The following TMEM132E variants were observed in gnomAD, a reference collection of about 807,000 sequenced individuals.
The protein encoded by TMEM132E is transmembrane protein 132E.
TMEM132E carries 49 observed loss-of-function variants against 78.5 expected under a neutral mutation model. The observed-to-expected ratio is 0.62, with a 90% CI of 0.50 to 0.79. The LOEUF (loss-of-function observed/expected upper bound fraction) is 0.79, where lower values mean the gene tolerates loss of function less well. Ranked by LOEUF, TMEM132E falls within the 30% of genes least tolerant of loss-of-function variation. TMEM132E has a pLI of 0.00. For missense variants in TMEM132E, 1,403 were observed against 1,470.9 expected (o/e 0.95, Z 0.75); for synonymous variants, 715 against 670.6 (o/e 1.07, Z -1.02).
chr17:34,616,349 G>A (rs1291536427), intron 1 of TMEM132E, among the ~76,000 whole-genome samples: 2 of 152,128 alleles, frequency 1.3e-5, no homozygotes. Context: ...GCTTCTCCAG[G>A]ATTTACAACC....
Position 34,637,482 on chromosome 17 carries a change from G to C in TMEM132E, c.2475G>C (p.Pro825=). The C allele has an allele frequency of 6.2e-7, 1 of 1,610,784 alleles. No homozygotes were observed. The highest frequency in any genetic ancestry group is 8.5e-7 in the Non-Finnish European group (1 of 1,178,996). The change falls in exon 9 of 9, where the codon CCG becomes CCC. Residue 825 remains proline, a synonymous_variant. Transcript: ENST00000631683. Reference sequence around the variant, plus strand: ...AGGAGGACCCCACTTATGACTACCCGGGCCCCAGCCAACCAGGGCCCGGCG... The same window carrying C: ...AGGAGGACCCCACTTATGACTACCCCGGCCCCAGCCAACCAGGGCCCGGCG... ...RDEEDPTYDY[P]GPSQPGPGGG...
At chr17:34,621,395 G>T (rs1906956096) in intron 1 of TMEM132E, among the ~76,000 whole-genome samples, 2 of 152,046 alleles carry the variant, frequency 1.3e-5, no homozygotes, top group Non-Finnish European at 2.9e-5. Flanking sequence ...CTTCTTATAA[G>T]TACACCAGTC....
At chr17:34,630,179 G>T in intron 5 of TMEM132E, 28 bp downstream of exon 5, 1 of 1,601,460 alleles carries the variant, frequency 6.2e-7, no homozygotes, top group Non-Finnish European at 8.5e-7. Flanking sequence ...GGGGCCCCTG[G>T]GGAAGAAGCC....
chr17:34,627,467 C>CGTGTGTGCGTGCGCGCGCGCGCGT (rs1555564416), intron 2 of TMEM132E, among the ~76,000 whole-genome samples: 66 of 126,540 alleles, frequency 5.2e-4, no homozygotes, highest in African/African-American at 1.9e-3. Context: ...CCAAAAGAAT[C>CGTGTGTGCGTGCGCGCGCGCGCGT]GTGTGTGTGT....
chr17:34,629,891 TG>T, intron 4 of TMEM132E, 116 bp from the exon 5 acceptor site: 1 of 1,213,224 alleles, frequency 8.2e-7, no homozygotes, highest in Non-Finnish European at 1.1e-6. Flanking sequence ...GTGTCCCCAC[TG>T]GAAGGATGTG....
intron 1 of TMEM132E, among the ~76,000 whole-genome samples, chr17:34,593,168 A>T (rs11656543): frequency 0.5 from 76,514 of 151,734 alleles, 19,778 homozygotes; most frequent in Admixed American, 0.57. Context: ...GCACTTTGGG[A>T]AGCTGAGGCC....
chr17:34,602,589 A>G (rs1476465092), intron 1 of TMEM132E, among the ~76,000 whole-genome samples: 1 of 152,102 alleles, frequency 6.6e-6, no homozygotes, highest in African/African-American at 2.4e-5. Context: ...CACACTGGAG[A>G]CTGGCAAGGA....
chr17:34,599,222 G>T (rs1286221202), intron 1 of TMEM132E, among the ~76,000 whole-genome samples: 1 of 152,222 alleles, frequency 6.6e-6, no homozygotes, highest in Admixed American at 6.5e-5. Flanking sequence ...CAGCAAGAGG[G>T]TATGTGGAGA....
Position 34,630,027 on chromosome 17 carries a change from CG to C in TMEM132E, c.1360del (p.Ala454ProfsTer3). ...PLAMDTEIIN[T>X]AILTGRTVAI... Reference sequence around the variant, plus strand: ...CTGCAGGACACAGAGATCATCAACACGGCCATTCTGACTGGCCGGACAGTGG... The same window carrying C: ...CTGCAGGACACAGAGATCATCAACACGCCATTCTGACTGGCCGGACAGTGG... On this transcript the variant is annotated frameshift_variant, in exon 5 of 9. Transcript: ENST00000631683. LOFTEE classifies it high-confidence loss of function. 6.2e-7 allele frequency: 1 copy of C among 1,611,610 alleles called. No homozygotes were observed. The highest frequency in any genetic ancestry group is 1.3e-5 in the African/African-American group (1 of 74,990).
At position 34,629,168 on chromosome 17, in the gene TMEM132E, T is replaced by C. The variant is rs1907262186; in HGVS notation, c.1302T>C (p.Ile434=). ...LERAVTELTV[I]QRDVQAILPL... is the part of the protein sequence containing the mutation. ...GGGCAGTCACTGAGCTGACGGTCATTCAGCGGGATGTGCAAGCCATCCTGC... is the reference window on the plus strand; with the variant it reads ...GGGCAGTCACTGAGCTGACGGTCATCCAGCGGGATGTGCAAGCCATCCTGC... Residue 434 remains isoleucine, a synonymous_variant, in exon 4 of 9, where the codon ATT becomes ATC. Transcript: ENST00000631683. 6.2e-7 allele frequency: 1 copy of C among 1,614,006 alleles called. No individual in the cohort carries two copies. Among genetic ancestry groups the C allele is most frequent in the Admixed American group, 1.7e-5 (1 of 59,996 alleles).
chr17:34,632,465 T>C (rs1486469553), intron 5 of TMEM132E, among the ~76,000 whole-genome samples: 2 of 152,198 alleles, frequency 1.3e-5, no homozygotes, highest in Non-Finnish European at 2.9e-5. Context: ...GCATGTTGGC[T>C]CCTTACTAAG....
chr17:34,614,862 C>T (rs1416668977), intron 1 of TMEM132E: 1 of 152,502 alleles, frequency 6.6e-6, no homozygotes, highest in African/African-American at 2.4e-5. Context: ...CTATCATGTG[C>T]CCCGAGGCTC....
chr17:34,588,484 A>C (rs1025482400), intron 1 of TMEM132E, among the ~76,000 whole-genome samples: 2 of 152,236 alleles, frequency 1.3e-5, no homozygotes, highest in East Asian at 1.9e-4. Flanking sequence ...CATTGTGCAC[A>C]TACAGGCACA....
chr17:34,630,773 G>A (rs574221155), intron 5 of TMEM132E, among the ~76,000 whole-genome samples: 24 of 152,230 alleles, frequency 1.6e-4, no homozygotes, highest in Non-Finnish European at 2.8e-4. Flanking sequence ...CCTGTCAGCC[G>A]TGAGCTCCCA....
intron 1 of TMEM132E, among the ~76,000 whole-genome samples, chr17:34,618,829 T>C (rs1906864671): frequency 6.6e-6 from 1 of 152,200 alleles, no homozygotes; most frequent in South Asian, 2.1e-4. Context: ...GGGCTAATAA[T>C]TCCCCATTTG....
At chr17:34,589,189 C>G (rs1905776205) in intron 1 of TMEM132E, among the ~76,000 whole-genome samples, 1 of 152,206 alleles carries the variant, frequency 6.6e-6, no homozygotes, top group Non-Finnish European at 1.5e-5. Flanking sequence ...AAGAGAGAAA[C>G]TAAGTGAATA....
chr17:34,603,878 T>C (rs1239205189), intron 1 of TMEM132E, among the ~76,000 whole-genome samples: 1 of 152,186 alleles, frequency 6.6e-6, no homozygotes, highest in Non-Finnish European at 1.5e-5. Context: ...AGTTCCTCAC[T>C]GTGGGTACCA....
At chr17:34,636,281 G>A (rs1171315513) in intron 8 of TMEM132E, 83 bp downstream of exon 8, 17 of 1,287,084 alleles carry the variant, frequency 1.3e-5, no homozygotes, top group Non-Finnish European at 1.6e-5. Context: ...CTAGCACCAA[G>A]AGTCCCCATA....
intron 5 of TMEM132E, among the ~76,000 whole-genome samples, chr17:34,631,456 C>T (rs936531753): frequency 1.3e-5 from 2 of 152,174 alleles, no homozygotes; most frequent in Admixed American, 6.5e-5. Context: ...CCAGAGCAGA[C>T]CAGAACCAAG....
Sources: allele counts gnomAD v4.1 joint callset (sites outside exome capture counted in the v4.1 genomes callset), GRCh38; gene constraint gnomAD v4.1.1; transcripts MANE v1.5; gene names NCBI Gene and HGNC (gene_info 2026-07-23, HGNC 2026-07-21).